Variants in TTLL6 observed in about 807,000 individuals in gnomAD.
TTLL6 encodes tubulin polyglutamylase TTLL6.
Under a neutral mutation model 96.4 loss-of-function variants are expected in TTLL6, and 75 were observed. The ratio of observed to expected loss-of-function variants is 0.78; its 90% CI spans 0.65 to 0.94. TTLL6 has a LOEUF of 0.94. Ranked by LOEUF, TTLL6 falls within the 40% of genes least tolerant of loss-of-function variation. The pLI is 0.00. For missense variants in TTLL6, 1,030 were observed against 1,093.0 expected, an observed-to-expected ratio of 0.94 and a Z score of 0.81; for synonymous variants, 411 against 419.4, an observed-to-expected ratio of 0.98 and a Z score of 0.24.
chr17:48,769,633 C>T lies in TTLL6; in HGVS notation c.2410+95G>A, dbSNP rs1035705177. On this transcript the variant is annotated intron_variant, in intron 14 of 15. Transcript: ENST00000393382. ...CCTGAAGACAGGGGCTGTCCCCCCTCCAAAGACTGGGAGCTCCCCAAAGAT... is the reference window on the plus strand; with the variant it reads ...CCTGAAGACAGGGGCTGTCCCCCCTTCAAAGACTGGGAGCTCCCCAAAGAT... The T allele has an allele frequency of 3.4e-6, 5 of 1,477,482 alleles. No homozygotes were observed. In the East Asian group the frequency reaches 1.1e-4, roughly 34 times the overall value. 91.5% of individuals were successfully genotyped at this position (1,477,482 alleles called of 1,614,324 possible). A position where few individuals can be genotyped will look rare whatever the true frequency, so the allele number is the denominator to read the frequency against.
chr17:48,812,835 GTGT>G (rs1215838616), intron 1 of TTLL6, among the ~76,000 whole-genome samples: 3 of 152,168 alleles, frequency 2.0e-5, no homozygotes, highest in African/African-American at 4.8e-5. Context: ...TATAACAGAA[GTGT>G]TGTTGTGAGC....
intron 13 of TTLL6, among the ~76,000 whole-genome samples, chr17:48,772,242 T>G (rs545454794): frequency 6.6e-6 from 1 of 152,084 alleles, no homozygotes; most frequent in South Asian, 2.1e-4. Flanking sequence ...CCCAGCACGT[T>G]GGGAAGCCAA....
At chr17:48,771,151 T>C (rs1467118078) in intron 13 of TTLL6, among the ~76,000 whole-genome samples, 3 of 152,038 alleles carry the variant, frequency 2.0e-5, no homozygotes, top group African/African-American at 7.2e-5. Context: ...AAGTGTGAAA[T>C]CCTTTCATGT....
chr17:48,770,024 A>T lies in TTLL6; in HGVS notation c.2114T>A (p.Leu705Gln). 6.2e-7 allele frequency: 1 copy of T among 1,614,174 alleles called. No homozygotes were observed. Among genetic ancestry groups the T allele is most frequent in the Non-Finnish European group, 8.5e-7 (1 of 1,180,038 alleles). The stretch of plus-strand genomic sequence containing the variant: ...GTACTCAGAGCTGGCGGTCACAGCC[A>T]GGGTTGGCGGAGACTTTGGGGAGAT... Reference protein sequence around the residue: ...LSISPKSPPTLAVTASSEYSG... With the variant: ...LSISPKSPPTQAVTASSEYSG... Residue 705 changes from leucine to glutamine, a missense_variant, in exon 14 of 16, where the codon CTG becomes CAG. By Grantham distance (113) the Leu-to-Gln change is moderately radical. Transcript: ENST00000393382.
chr17:48,794,190 C>T (rs762427232), intron 8 of TTLL6: 1 of 1,613,906 alleles, frequency 6.2e-7, no homozygotes. Context: ...ACACTTGAAG[C>T]CTTGCAACCT....
rs984374379 is a variant in TTLL6 at position 48,780,876 on chromosome 17, T to C, written c.2040+4047A>G. Among the ~76,000 whole-genome samples, 6 of 152,190 alleles carry C rather than the reference T, an allele frequency of 3.9e-5. No individual in the cohort carries two copies. The East Asian group carries it at 1.2e-3, about 29-fold the overall frequency. On this transcript the variant is annotated intron_variant, in intron 13 of 15. Coordinates refer to ENST00000393382, the MANE Select transcript of TTLL6 (RefSeq NM_001130918.3). ...CATTATATGTATATACCACATTTTC[T>C]TTATTCATTTATCTGTGGTTGACGG... is the stretch of plus-strand genomic sequence containing the variant.
chr17:48,804,068 G>C (rs1416550730), intron 2 of TTLL6, 140 bp from the exon 3 acceptor site: 1 of 918,258 alleles, frequency 1.1e-6, no homozygotes. Flanking sequence ...GACCGTCCCT[G>C]TTGCTGAGGA....
At chr17:48,813,154 C>T (rs1198702238) in intron 1 of TTLL6, among the ~76,000 whole-genome samples, 1 of 152,118 alleles carries the variant, frequency 6.6e-6, no homozygotes, top group Non-Finnish European at 1.5e-5. Context: ...TCCATGCTCC[C>T]CTCACTGCCT....
At position 48,762,509 on chromosome 17, in the gene TTLL6, T is replaced by C. The variant is rs1160903535; in HGVS notation, c.*465A>G. On this transcript the variant is annotated 3_prime_UTR_variant, in exon 16 of 16. Coordinates refer to ENST00000393382, the MANE Select transcript of TTLL6 (RefSeq NM_001130918.3). ...TTCTCTCACTCAGGGCTCAGAGTTATGCACCATGCCCATCCCTGACCTCAT... is the reference window on the plus strand; with the variant it reads ...TTCTCTCACTCAGGGCTCAGAGTTACGCACCATGCCCATCCCTGACCTCAT... 6.2e-6 allele frequency: 1 copy of C among 160,142 alleles called. No individual in the cohort carries two copies. Among genetic ancestry groups the C allele is most frequent in the Non-Finnish European group, 1.4e-5 (1 of 73,404 alleles). 9.9% of individuals were successfully genotyped at this position (160,142 alleles called of 1,614,324 possible). A position where few individuals can be genotyped will look rare whatever the true frequency, so the allele number is the denominator to read the frequency against.
chr17:48,810,987 A>C (rs2039582861), intron 1 of TTLL6, among the ~76,000 whole-genome samples: 1 of 149,492 alleles, frequency 6.7e-6, no homozygotes, highest in Non-Finnish European at 1.5e-5. Context: ...GACATTTCCC[A>C]GTCTGCCCCA....
chr17:48,817,110 C>A lies in TTLL6; in HGVS notation c.-38G>T, dbSNP rs1330641869. On this transcript the variant is annotated 5_prime_UTR_variant, in exon 1 of 16. Transcript: ENST00000393382. The stretch of plus-strand genomic sequence containing the variant: ...AGCCCCAACCCCAACCCGCGCTCGC[C>A]CTAACTTTGGGTCCGCCCGGCCCTC... 4 of 1,500,078 alleles carry A rather than the reference C, an allele frequency of 2.7e-6. No homozygotes were observed. The highest frequency in any genetic ancestry group is 2.6e-5 in the East Asian group (1 of 38,968). 92.9% of individuals were successfully genotyped at this position (1,500,078 alleles called of 1,614,324 possible). A position where few individuals can be genotyped will look rare whatever the true frequency, so the allele number is the denominator to read the frequency against.
intron 7 of TTLL6, among the ~76,000 whole-genome samples, chr17:48,796,728 T>G (rs2143411715): frequency 6.6e-6 from 1 of 152,214 alleles, no homozygotes; most frequent in East Asian, 1.9e-4. Context: ...GCAGGGTTGC[T>G]CATCCACGGC....
At chr17:48,802,738 G>T (rs559802888) in intron 3 of TTLL6, among the ~76,000 whole-genome samples, 10 of 152,346 alleles carry the variant, frequency 6.6e-5, no homozygotes, top group African/African-American at 2.4e-4. Context: ...GGGCATGGTG[G>T]TGTGCACCTG....
At chr17:48,807,862 G>A (rs1272945927) in intron 1 of TTLL6, among the ~76,000 whole-genome samples, 1 of 148,768 alleles carries the variant, frequency 6.7e-6, no homozygotes, top group Non-Finnish European at 1.5e-5. Context: ...TGTTTGAGAC[G>A]GAGTCTCGCT....
rs140190043 is a variant in TTLL6, at chr17:48,768,064, T to C, written c.*925A>G. On this transcript the variant is annotated intron_variant, in intron 15 of 15. Transcript: ENST00000393382. ...AAAGTGCCTAGTGGGGGCAGATCAG[T>C]TCTACCAGAAATATATTAATACATA... Among the ~76,000 whole-genome samples, 264 of 152,248 alleles carry C rather than the reference T, an allele frequency of 1.7e-3. 1 individual carries two copies. The highest frequency in any genetic ancestry group is 3.1e-3 in the Non-Finnish European group (208 of 68,024).
intron 13 of TTLL6, among the ~76,000 whole-genome samples, chr17:48,773,174 G>A (rs1341701263): frequency 1.1e-5 from 1 of 92,908 alleles, no homozygotes; most frequent in Non-Finnish European, 2.3e-5. Flanking sequence ...CAAGATTAAA[G>A]AAAAGTAAAT....
Position 48,802,130 on chromosome 17 carries a change from GAAA to G in TTLL6, c.362-490_362-488del, listed in dbSNP as rs1567733719. 1.9e-3 allele frequency among the ~76,000 whole-genome samples: 196 copies of G among 105,822 alleles called. 2 individuals are homozygous for G. The highest frequency in any genetic ancestry group is 5.2e-3 in the African/African-American group (174 of 33,316). The allele number at this position is 105,822 out of a possible 152,430, so 69.4% of individuals were successfully genotyped here. On this transcript the variant is annotated intron_variant, in intron 3 of 15. Coordinates refer to ENST00000393382, the MANE Select transcript of TTLL6 (RefSeq NM_001130918.3). ...AGAAAGAAAGAAAGAAAGAAAGAAA[GAAA>G]GAAAGAAAGAAAGAAAGAAAATAAA...
At chr17:48,768,877 T>C in intron 15 of TTLL6, 112 bp downstream of exon 15, 1 of 1,148,426 alleles carries the variant, frequency 8.7e-7, no homozygotes, top group African/African-American at 1.5e-5. Flanking sequence ...ATTGTCTACT[T>C]ACCTGTATGT....
intron 13 of TTLL6, among the ~76,000 whole-genome samples, chr17:48,775,351 T>A (rs1415325469): frequency 6.6e-6 from 1 of 151,920 alleles, no homozygotes; most frequent in Non-Finnish European, 1.5e-5. Flanking sequence ...TTCAGCAATG[T>A]ATTAAAAAAT....
Sources: gnomAD v4.1 joint callset for allele counts (sites outside exome capture counted in the v4.1 genomes callset) on GRCh38, gnomAD v4.1.1 for gene constraint, MANE v1.5 for transcripts, NCBI Gene and HGNC (gene_info 2026-07-23, HGNC 2026-07-21) for gene names.